Variants in DSCAML1 observed in about 807,000 individuals in gnomAD.
DSCAML1 encodes DS cell adhesion molecule like 1.
Under a neutral mutation model 200.5 loss-of-function variants are expected in DSCAML1, and 38 were observed. The observed-to-expected ratio is 0.19, with a 90% CI of 0.15 to 0.25. DSCAML1 has a LOEUF of 0.25. DSCAML1 is among the 10% of genes least tolerant of loss of function. DSCAML1 has a pLI of 1.00. For missense variants in DSCAML1, 2,223 were observed against 2,858.8 expected (o/e 0.78, Z 5.07); for synonymous variants, 1,215 against 1,165.0 (o/e 1.04, Z -0.87).
At chr11:117,803,419 G>A (rs996704651) in intron 1 of DSCAML1, among the ~76,000 whole-genome samples, 1 of 152,094 alleles carries the variant, frequency 6.6e-6, no homozygotes, top group African/African-American at 2.4e-5. Context: ...TATGTTATCT[G>A]TCTGGATTTC....
intron 3 of DSCAML1, among the ~76,000 whole-genome samples, chr11:117,651,212 C>T (rs564784870): frequency 1.6e-4 from 25 of 152,366 alleles, no homozygotes; most frequent in African/African-American, 4.8e-4. Flanking sequence ...GTCTGCAGCT[C>T]CAGCCTCAGC....
intron 5 of DSCAML1, among the ~76,000 whole-genome samples, chr11:117,523,412 G>T (rs751497268): frequency 1.3e-5 from 2 of 152,172 alleles, no homozygotes; most frequent in Non-Finnish European, 2.9e-5. Context: ...CTGCTCTGCT[G>T]TCCAGGGCTT....
At position 117,713,001 on chromosome 11, in the gene DSCAML1, C is replaced by T. The variant is rs574807395; in HGVS notation, c.511+63790G>A. Among the ~76,000 whole-genome samples, 13 of 152,212 alleles carry T rather than the reference C, an allele frequency of 8.5e-5. No homozygotes were observed. The South Asian group carries it at 2.7e-3, about 32-fold the overall frequency. ...ACTCCCCTTTTGCAGCAACCCGTAA[C>T]CCCCCAACACCCAGGACCTATAAAA... is the stretch of plus-strand genomic sequence containing the variant. On this transcript the variant is annotated intron_variant, in intron 3 of 32. Coordinates refer to ENST00000651296, the MANE Select transcript of DSCAML1 (RefSeq NM_020693.4).
At chr11:117,670,205 C>G (rs1430077258) in intron 3 of DSCAML1, among the ~76,000 whole-genome samples, 1 of 152,150 alleles carries the variant, frequency 6.6e-6, no homozygotes, top group African/African-American at 2.4e-5. Flanking sequence ...GGAGTGGGAT[C>G]TGGAGAGGAG....
chr11:117,525,806 A>T (rs569778626), intron 4 of DSCAML1, among the ~76,000 whole-genome samples: 1 of 152,270 alleles, frequency 6.6e-6, no homozygotes, highest in African/African-American at 2.4e-5. Flanking sequence ...ATGTGTCATG[A>T]CGTCTCAAGT....
At chr11:117,508,477 C>T (rs1477631120) in intron 8 of DSCAML1, among the ~76,000 whole-genome samples, 2 of 151,696 alleles carry the variant, frequency 1.3e-5, no homozygotes, top group Admixed American at 1.3e-4. Flanking sequence ...CTAGGGTGAC[C>T]TCAGAAGTTC....
chr11:117,614,250 C>T (rs2051763430), intron 3 of DSCAML1, among the ~76,000 whole-genome samples: 1 of 152,194 alleles, frequency 6.6e-6, no homozygotes, highest in Non-Finnish European at 1.5e-5. Flanking sequence ...GCTCACATCG[C>T]TATCCCCAGT....
At chr11:117,507,869 G>T (rs956619106) in intron 8 of DSCAML1, among the ~76,000 whole-genome samples, 1 of 152,176 alleles carries the variant, frequency 6.6e-6, no homozygotes, top group South Asian at 2.1e-4. Context: ...CTTTTCCTGG[G>T]TTGGGACTCT....
At chr11:117,499,921 C>G (rs377424692) in intron 11 of DSCAML1, among the ~76,000 whole-genome samples, 2 of 152,238 alleles carry the variant, frequency 1.3e-5, no homozygotes, top group Non-Finnish European at 2.9e-5. Flanking sequence ...TCCAGACCCT[C>G]GGACTCCTGG....
intron 3 of DSCAML1, among the ~76,000 whole-genome samples, chr11:117,742,024 ATCTCCTCTCC>A (rs2054430875): frequency 6.6e-6 from 1 of 152,224 alleles, no homozygotes; most frequent in Non-Finnish European, 1.5e-5. Flanking sequence ...AGAATGAGAC[ATCTCCTCTCC>A]TCAGCTCCAA....
Position 117,739,540 on chromosome 11 carries a change from G to A in DSCAML1, c.511+37251C>T, listed in dbSNP as rs540521137. 2.6e-5 allele frequency among the ~76,000 whole-genome samples: 4 copies of A among 152,356 alleles called. No individual in the cohort carries two copies. In the East Asian group the frequency reaches 5.8e-4, roughly 22 times the overall value. On this transcript the variant is annotated intron_variant, in intron 3 of 32. Coordinates refer to ENST00000651296, the MANE Select transcript of DSCAML1 (RefSeq NM_020693.4). ...AACAGAGAATGCCTGGGAGCAGCTG[G>A]TGGCTGCTTATTTCATCTGTAGACA...
chr11:117,497,202 G>T (rs1308317246), intron 11 of DSCAML1, among the ~76,000 whole-genome samples: 2 of 152,204 alleles, frequency 1.3e-5, no homozygotes, highest in Non-Finnish European at 2.9e-5. Context: ...TCTGAATAGA[G>T]GAGCAAACTG....
chr11:117,485,946 C>T lies in DSCAML1; in HGVS notation c.2360-3784G>A, dbSNP rs142631502. On this transcript the variant is annotated intron_variant, in intron 11 of 32. Transcript: ENST00000651296. ...GGCTACACCTACTGGTGTCAGCCAGCGCTGGCCGGTCCTAGCTTGATAACC... is the reference window on the plus strand; with the variant it reads ...GGCTACACCTACTGGTGTCAGCCAGTGCTGGCCGGTCCTAGCTTGATAACC... Among the ~76,000 whole-genome samples the T allele has an allele frequency of 5.6e-3, 847 of 152,268 alleles. 8 individuals carry two copies. Among genetic ancestry groups the T allele is most frequent in the African/African-American group, 0.019 (803 of 41,542 alleles).
At chr11:117,460,798 C>G (rs1359713104) in intron 18 of DSCAML1, among the ~76,000 whole-genome samples, 1 of 152,154 alleles carries the variant, frequency 6.6e-6, no homozygotes, top group Admixed American at 6.5e-5. Flanking sequence ...TCTCTGGATC[C>G]CGGGCGGCTT....
chr11:117,726,266 C>CAT (rs1555202761), intron 3 of DSCAML1, among the ~76,000 whole-genome samples: 3 of 145,718 alleles, frequency 2.1e-5, no homozygotes, highest in African/African-American at 5.1e-5. Flanking sequence ...TGTGTGTGTG[C>CAT]GTGTGTGTGT....
chr11:117,505,378 T>G lies in DSCAML1; in HGVS notation c.2062+76A>C. ...CCTTCCATGAGCCCGTGATTGGAAC[T>G]GGAAATCTAGAGACTGCAGTAGCAG... On this transcript the variant is annotated intron_variant, in intron 9 of 32. Coordinates refer to ENST00000651296, the MANE Select transcript of DSCAML1 (RefSeq NM_020693.4). This position sits in a 1 kb window ranked among gnomAD's most constrained non-coding sequence, Gnocchi z 6.7. 6.4e-7 allele frequency: 1 copy of G among 1,552,234 alleles called. No individual in the cohort carries two copies. Among genetic ancestry groups the G allele is most frequent in the Non-Finnish European group, 8.7e-7 (1 of 1,151,008 alleles).
At position 117,444,059 on chromosome 11, in the gene DSCAML1, A is replaced by G; in HGVS notation, c.3709-20T>C. ...GGGAGCCTGCGGGGCAGAGGCAAAGAGGCTCTAAGAAGCAGAACTGGGGCC... is the reference window on the plus strand; with the variant it reads ...GGGAGCCTGCGGGGCAGAGGCAAAGGGGCTCTAAGAAGCAGAACTGGGGCC... On this transcript the variant is annotated intron_variant, in intron 20 of 32. Coordinates refer to ENST00000651296, the MANE Select transcript of DSCAML1 (RefSeq NM_020693.4). 6.3e-7 allele frequency: 1 copy of G among 1,597,134 alleles called. No individual in the cohort carries two copies. Among genetic ancestry groups the G allele is most frequent in the Non-Finnish European group, 8.6e-7 (1 of 1,168,640 alleles).
intron 3 of DSCAML1, among the ~76,000 whole-genome samples, chr11:117,766,166 C>T (rs776871885): frequency 1.4e-4 from 22 of 152,204 alleles, no homozygotes; most frequent in East Asian, 1.9e-4. Context: ...CACAGGCCTC[C>T]GCACAGAACC....
At chr11:117,583,964 G>A (rs543672184) in intron 3 of DSCAML1, among the ~76,000 whole-genome samples, 25 of 152,292 alleles carry the variant, frequency 1.6e-4, no homozygotes, top group African/African-American at 6.0e-4. Context: ...AGTTGTGGGG[G>A]CAGGCTTCCT....
Sources: gnomAD v4.1 joint callset for allele counts (sites outside exome capture counted in the v4.1 genomes callset) on GRCh38, gnomAD v4.1.1 for gene constraint, Gnocchi (gnomAD v3.1) non-coding constraint, MANE v1.5 for transcripts, NCBI Gene and HGNC (gene_info 2026-07-23, HGNC 2026-07-21) for gene names.